Variants in RBMS3 observed in about 807,000 individuals in gnomAD.
The protein encoded by RBMS3 is RNA-binding motif, single-stranded-interacting protein 3.
RBMS3 carries 27 observed loss-of-function variants against 66.8 expected under a neutral mutation model. The ratio of observed to expected loss-of-function variants is 0.40; its 90% CI spans 0.30 to 0.56. The LOEUF (loss-of-function observed/expected upper bound fraction) is 0.56. Among genes scored for constraint, RBMS3 ranks in the 20% least tolerant of loss-of-function variants. The pLI, the probability that RBMS3 is intolerant of heterozygous loss-of-function variation, is 0.40. For synonymous variants in RBMS3, 188 were observed against 183.0 expected (o/e 1.03, Z -0.22); for missense variants, 513 against 549.5 (o/e 0.93, Z 0.66).
In RBMS3 at chr3:30,008,782, A is replaced by C. The variant is rs1187645926; in HGVS notation, c.*4920A>C. ...TTAACATTTCTTACCAAACATTCTT[A>C]AGTATGAAATTGGTCCTTTAATCCA... On this transcript the variant is annotated 3_prime_UTR_variant, in exon 15 of 15. Transcript: ENST00000383767. The C allele has an allele frequency of 1.3e-5, 2 of 152,066 alleles. No homozygotes were observed. Among genetic ancestry groups the C allele is most frequent in the African/African-American group, 4.8e-5 (2 of 41,432 alleles). 9.4% of individuals were successfully genotyped at this position (152,066 alleles called of 1,614,324 possible).
At chr3:29,483,318 AAAAAAAAG>A (rs1285204153) in intron 2 of RBMS3, among the ~76,000 whole-genome samples, 3 of 151,494 alleles carry the variant, frequency 2.0e-5, no homozygotes, top group African/African-American at 7.3e-5. Flanking sequence ...ACAAAAAAAA[AAAAAAAAG>A]AAAAAAGAAA....
At chr3:29,715,711 A>T (rs746795737) in intron 4 of RBMS3, among the ~76,000 whole-genome samples, 4 of 152,168 alleles carry the variant, frequency 2.6e-5, no homozygotes, top group Non-Finnish European at 2.9e-5. Context: ...GTGAAAAACC[A>T]ATCTCAATGT....
At chr3:29,776,683 A>G (rs2056438475) in intron 6 of RBMS3, among the ~76,000 whole-genome samples, 1 of 151,980 alleles carries the variant, frequency 6.6e-6, no homozygotes, top group African/African-American at 2.4e-5. Flanking sequence ...GAATTATTTC[A>G]TCAACATCCA....
intron 1 of RBMS3, among the ~76,000 whole-genome samples, chr3:29,333,021 A>G (rs2035753912): frequency 6.6e-6 from 1 of 152,166 alleles, no homozygotes; most frequent in African/African-American, 2.4e-5. Flanking sequence ...TCAGTAACAG[A>G]AAATATTGAA....
chr3:29,515,041 A>AGGAAGTTCCCAAAT (rs1037047155), intron 3 of RBMS3, among the ~76,000 whole-genome samples: 1 of 152,174 alleles, frequency 6.6e-6, no homozygotes, highest in African/African-American at 2.4e-5. Context: ...GATAGAGTCC[A>AGGAAGTTCCCAAAT]GGAAGTTCCC....
intron 1 of RBMS3, among the ~76,000 whole-genome samples, chr3:29,425,345 G>A (rs2040914355): frequency 6.6e-6 from 1 of 152,024 alleles, no homozygotes; most frequent in Non-Finnish European, 1.5e-5. Context: ...TTGCACTCCA[G>A]CCTGGGCGAC....
At chr3:29,813,962 T>C (rs1052996922) in intron 6 of RBMS3, among the ~76,000 whole-genome samples, 7 of 152,128 alleles carry the variant, frequency 4.6e-5, no homozygotes, top group African/African-American at 1.7e-4. Context: ...CCTAATTGAA[T>C]ACCCTTTATT....
At chr3:29,804,305 T>C (rs2057475686) in intron 6 of RBMS3, among the ~76,000 whole-genome samples, 1 of 152,074 alleles carries the variant, frequency 6.6e-6, no homozygotes, top group African/African-American at 2.4e-5. Context: ...TCATTTTTAA[T>C]TGATTAGGGA....
intron 10 of RBMS3, among the ~76,000 whole-genome samples, chr3:29,919,893 TG>T (rs1396886760): frequency 6.6e-6 from 1 of 152,236 alleles, no homozygotes; most frequent in Non-Finnish European, 1.5e-5. Context: ...ATCATCTCTT[TG>T]CTTCTTCCTA....
intron 12 of RBMS3, among the ~76,000 whole-genome samples, chr3:29,949,256 C>T (rs1372621003): frequency 6.6e-6 from 1 of 151,512 alleles, no homozygotes; most frequent in African/African-American, 2.4e-5. Context: ...TTCTATGCCT[C>T]ATCTTCTAAT....
At chr3:29,942,662 G>C (rs1258318464) in intron 11 of RBMS3, among the ~76,000 whole-genome samples, 2 of 151,760 alleles carry the variant, frequency 1.3e-5, no homozygotes, top group Admixed American at 1.3e-4. Flanking sequence ...CAGGTGATGG[G>C]ATTAGGAGTA....
intron 6 of RBMS3, among the ~76,000 whole-genome samples, chr3:29,785,206 A>G (rs780906271): frequency 3.3e-5 from 5 of 152,090 alleles, no homozygotes; most frequent in Admixed American, 2.6e-4. Flanking sequence ...AGGGAAGAAC[A>G]TAGCAAAAAA....
intron 1 of RBMS3, among the ~76,000 whole-genome samples, chr3:29,431,692 G>A (rs1214021205): frequency 6.6e-6 from 1 of 152,052 alleles, no homozygotes; most frequent in African/African-American, 2.4e-5. Context: ...GTCAATGTGT[G>A]TTTGCGTTGC....
intron 6 of RBMS3, chr3:29,767,005 C>G (rs904788566): frequency 3.3e-5 from 5 of 152,060 alleles, no homozygotes; most frequent in Non-Finnish European, 7.4e-5. Context: ...AATGAAGGAT[C>G]ATTAGTTGCT....
At chr3:29,920,444 A>G (rs1412076761) in intron 10 of RBMS3, among the ~76,000 whole-genome samples, 1 of 152,184 alleles carries the variant, frequency 6.6e-6, no homozygotes, top group African/African-American at 2.4e-5. Context: ...CCACAGGTAA[A>G]TAAAAAGTTT....
intron 3 of RBMS3, among the ~76,000 whole-genome samples, chr3:29,513,778 AT>A (rs1450413142): frequency 6.6e-6 from 1 of 152,106 alleles, no homozygotes; most frequent in Non-Finnish European, 1.5e-5. Flanking sequence ...GAAAAAAAAT[AT>A]TGTTGGGCCA....
intron 4 of RBMS3, among the ~76,000 whole-genome samples, chr3:29,666,350 A>G (rs537343665): frequency 4.6e-5 from 7 of 152,300 alleles, no homozygotes; most frequent in East Asian, 1.9e-4. Context: ...GATTTTTGCA[A>G]TTGTTACTGC....
At chr3:29,520,087 A>G (rs2044796497) in intron 3 of RBMS3, among the ~76,000 whole-genome samples, 1 of 152,186 alleles carries the variant, frequency 6.6e-6, no homozygotes, top group African/African-American at 2.4e-5. Context: ...CTGGCAACCT[A>G]GTCCCAATAT....
chr3:29,536,274 C>A (rs899971119), intron 3 of RBMS3, among the ~76,000 whole-genome samples: 3 of 152,010 alleles, frequency 2.0e-5, no homozygotes, highest in Admixed American at 6.6e-5. Flanking sequence ...GCTTGATATG[C>A]AAGGGAAAAA....
Sources: gnomAD v4.1 joint callset for allele counts (sites outside exome capture counted in the v4.1 genomes callset) on GRCh38, gnomAD v4.1.1 for gene constraint, MANE v1.5 for transcripts, NCBI Gene and HGNC (gene_info 2026-07-23, HGNC 2026-07-21) for gene names.